Variants in NTPCR observed in about 807,000 individuals in gnomAD.
NTPCR encodes nucleoside-triphosphatase, cancer-related, also known as cancer-related nucleoside-triphosphatase.
A neutral mutation model predicts 19.5 loss-of-function variants in NTPCR; 15 were observed. The observed-to-expected ratio is 0.77, with a 90% confidence interval of 0.51 to 1.18. The LOEUF (loss-of-function observed/expected upper bound fraction) is 1.18, where lower values mean the gene tolerates loss of function less well. NTPCR is among the 50% of genes most tolerant of loss of function. The probability of loss-of-function intolerance (pLI) is 0.00; values close to 1 mark genes in which losing one functional copy is unlikely to be tolerated. For missense variants in NTPCR, 206 were observed against 240.4 expected (o/e 0.86, Z 0.95); for synonymous variants, 90 against 95.8 (o/e 0.94, Z 0.36).
At chr1:232,962,194 T>G (rs981452490) in intron 3 of NTPCR, 1 of 152,174 alleles carries the variant, frequency 6.6e-6, no homozygotes, top group Non-Finnish European at 1.5e-5. Context: ...ACACACTAAT[T>G]GTGTAAGTGG....
In NTPCR at chr1:232,981,994, G is replaced by C. The variant is rs1331251922; in HGVS notation, c.*3763G>C. ...AGCCTACAAAAGTGCTGGGATTACAGGCGTGAGCCACCGTGCCCAGCCCCC... is the reference window on the plus strand; with the variant it reads ...AGCCTACAAAAGTGCTGGGATTACACGCGTGAGCCACCGTGCCCAGCCCCC... On this transcript the variant is annotated 3_prime_UTR_variant, in exon 5 of 5. Transcript: ENST00000366628. The C allele has an allele frequency of 6.6e-6, 1 of 152,192 alleles. No individual in the cohort carries two copies. Among genetic ancestry groups the C allele is most frequent in the Non-Finnish European group, 1.5e-5 (1 of 68,074 alleles). The allele number at this position is 152,192 out of a possible 1,614,324, so 9.4% of individuals were successfully genotyped here.
rs572513036 is a variant in NTPCR, at chr1:232,950,734, G to A, written c.24G>A (p.Thr8=). The A allele has an allele frequency of 8.7e-6, 14 of 1,601,916 alleles. No individual in the cohort carries two copies. The South Asian group carries it at 1.2e-4, about 14-fold the overall frequency. Reference sequence around the variant, plus strand: ...GTATGGCCCGGCACGTGTTCCTAACGGGGCCCCCAGGTAACCCTGAGGGGA... The same window carrying A: ...GTATGGCCCGGCACGTGTTCCTAACAGGGCCCCCAGGTAACCCTGAGGGGA... MARHVFL[T]GPPGVGKTTL... is the part of the protein sequence containing the mutation. The change falls in exon 1 of 5, where the codon ACG becomes ACA. Residue 8 remains threonine (T), a synonymous_variant. Transcript: ENST00000366628.
intron 3 of NTPCR, among the ~76,000 whole-genome samples, chr1:232,957,459 C>T (rs1668544610): frequency 6.6e-6 from 1 of 152,064 alleles, no homozygotes; most frequent in Non-Finnish European, 1.5e-5. Flanking sequence ...TCTGAAGTAT[C>T]TAAGTTATTG....
intron 4 of NTPCR, among the ~76,000 whole-genome samples, chr1:232,973,311 A>G (rs1239759663): frequency 6.6e-6 from 1 of 152,252 alleles, no homozygotes; most frequent in African/African-American, 2.4e-5. Context: ...CTTATTCTTC[A>G]TAACGTTGGG....
chr1:232,976,210 C>A, intron 4 of NTPCR: 1 of 1,100,188 alleles, frequency 9.1e-7, no homozygotes, highest in Non-Finnish European at 1.2e-6. Flanking sequence ...TGCATGTATA[C>A]ATTGTATAAT....
chr1:232,950,851 C>T, intron 1 of NTPCR, 107 bp downstream of exon 1: 1 of 683,802 alleles, frequency 1.5e-6, no homozygotes. Flanking sequence ...AGGGCTCCGG[C>T]CTCTGAAGTT....
At chr1:232,976,152 G>T (rs1669116704) in intron 4 of NTPCR, 3 of 527,142 alleles carry the variant, frequency 5.7e-6, no homozygotes, top group African/African-American at 2.0e-5. Flanking sequence ...TTTTTAATTT[G>T]TAATTGATAT....
chr1:232,982,259 C>T lies in NTPCR; in HGVS notation c.*4028C>T, dbSNP rs1334616735. The T allele has an allele frequency of 6.6e-6, 1 of 152,120 alleles. No individual in the cohort carries two copies. The highest frequency in any genetic ancestry group is 1.9e-4 in the East Asian group (1 of 5,178). The allele number at this position is 152,120 out of a possible 1,614,324, so 9.4% of individuals were successfully genotyped here. On this transcript the variant is annotated 3_prime_UTR_variant, in exon 5 of 5. Transcript: ENST00000366628. ...TAAAAAAGAAAAAGAAGTATGGCTG[C>T]ACTGTTGATGGCTGGTCAAACAGCC...
intron 3 of NTPCR, among the ~76,000 whole-genome samples, chr1:232,960,758 C>G (rs1459056474): frequency 2.0e-5 from 3 of 151,998 alleles, no homozygotes; most frequent in African/African-American, 7.3e-5. Context: ...TTTGGAAAGC[C>G]TCTAGTAGGG....
At chr1:232,961,246 A>T (rs2102744461) in intron 3 of NTPCR, among the ~76,000 whole-genome samples, 1 of 152,338 alleles carries the variant, frequency 6.6e-6, no homozygotes, top group East Asian at 1.9e-4. Flanking sequence ...TTTATACATG[A>T]ATCTTTTTCT....
Position 232,969,951 on chromosome 1 carries a change from G to A in NTPCR, c.337G>A (p.Asp113Asn), listed in dbSNP as rs1338793583. 9 of 1,614,132 alleles carry A rather than the reference G, an allele frequency of 5.6e-6. No homozygotes were observed. The highest frequency in any genetic ancestry group is 3.3e-5 in the Admixed American group (2 of 60,028). ...SGPGQRVCVI[D>N]EIGKMELFSQ... is the part of the protein sequence containing the mutation. ...CCCAGGGCAAAGAGTGTGCGTCATCGATGAGATTGGGAAGATGGAGCTCTT... is the reference window on the plus strand; with the variant it reads ...CCCAGGGCAAAGAGTGTGCGTCATCAATGAGATTGGGAAGATGGAGCTCTT... The change falls in exon 4 of 5, where the codon GAT becomes AAT. Residue 113 changes from aspartate to asparagine, a missense_variant. Transcript: ENST00000366628.
At chr1:232,959,467 T>A (rs1373099904) in intron 3 of NTPCR, among the ~76,000 whole-genome samples, 3 of 152,144 alleles carry the variant, frequency 2.0e-5, no homozygotes, top group Non-Finnish European at 4.4e-5. Flanking sequence ...CCAGTCAGGG[T>A]CATGGATTTC....
At chr1:232,977,932 C>T (rs1435917950) in intron 4 of NTPCR, among the ~76,000 whole-genome samples, 1 of 152,186 alleles carries the variant, frequency 6.6e-6, no homozygotes. Context: ...TGTCTGGGCT[C>T]CAAACCCACT....
chr1:232,963,525 C>A (rs1290162676), intron 3 of NTPCR: 1 of 152,044 alleles, frequency 6.6e-6, no homozygotes, highest in Non-Finnish European at 1.5e-5. Flanking sequence ...TGCCGTTTTT[C>A]TTTTTCCCTC....
intron 1 of NTPCR, among the ~76,000 whole-genome samples, chr1:232,953,111 C>A (rs556021426): frequency 6.6e-6 from 1 of 152,318 alleles, no homozygotes; most frequent in East Asian, 1.9e-4. Context: ...CCAGCTGCCC[C>A]CAGTGGAACT....
intron 3 of NTPCR, chr1:232,969,313 A>G: frequency 6.5e-6 from 1 of 154,122 alleles, no homozygotes; most frequent in Non-Finnish European, 1.4e-5. Context: ...GACAGAGATC[A>G]AGCTTTATAT....
At chr1:232,976,640 A>C in intron 4 of NTPCR, 1 of 1,403,800 alleles carries the variant, frequency 7.1e-7, no homozygotes, top group Non-Finnish European at 9.3e-7. Flanking sequence ...CCTCATTTCA[A>C]GTGGAGCCAC....
chr1:232,976,263 C>G (rs1362409000), intron 4 of NTPCR: 1 of 1,403,840 alleles, frequency 7.1e-7, no homozygotes, highest in Non-Finnish European at 9.3e-7. Context: ...TTTAAATTAT[C>G]ATTTTTGTGG....
rs774213796 is a variant in NTPCR, at chr1:232,955,541, T to A, written c.35-16T>A. 2.3e-5 allele frequency: 35 copies of A among 1,489,478 alleles called. No individual in the cohort carries two copies. In the East Asian group the frequency reaches 3.0e-4, roughly 13 times the overall value. The allele number at this position is 1,489,478 out of a possible 1,614,324, so 92.3% of individuals were successfully genotyped here. ...AATGGGCTTTTCTTCTTTTTTTTTT[T>A]TTTTTTTTATTTTAGGAGTTGGAAA... On this transcript the variant is annotated splice_polypyrimidine_tract_variant and intron_variant, in intron 1 of 4. Transcript: ENST00000366628.
Sources: gnomAD v4.1 joint callset for allele counts (sites outside exome capture counted in the v4.1 genomes callset) on GRCh38, gnomAD v4.1.1 for gene constraint, MANE v1.5 for transcripts, NCBI Gene and HGNC (gene_info 2026-07-23, HGNC 2026-07-21) for gene names.